The following SLC20A2 variants were observed in gnomAD, a reference collection of about 807,000 sequenced individuals.
The protein encoded by SLC20A2 is solute carrier family 20 member 2.
In SLC20A2, 30 loss-of-function variants were observed where a neutral mutation model predicts 61.0. That is an observed-to-expected ratio of 0.49 (90% CI 0.37 to 0.67). The LOEUF (loss-of-function observed/expected upper bound fraction) is 0.67. Ranked by LOEUF, SLC20A2 falls within the 30% of genes least tolerant of loss-of-function variation. The pLI is 0.00. For synonymous variants in SLC20A2, 351 were observed against 353.3 expected (o/e 0.99, Z 0.07); for missense variants, 626 against 866.4 (o/e 0.72, Z 3.48).
At chr8:42,493,519 C>G (rs1809681875) in intron 1 of SLC20A2, among the ~76,000 whole-genome samples, 2 of 152,182 alleles carry the variant, frequency 1.3e-5, no homozygotes, top group Non-Finnish European at 2.9e-5. Flanking sequence ...ACATTCTGAA[C>G]TCCGGGCCCT....
chr8:42,526,546 A>C (rs575385221), intron 1 of SLC20A2, among the ~76,000 whole-genome samples: 2 of 151,564 alleles, frequency 1.3e-5, no homozygotes, highest in African/African-American at 4.9e-5. Context: ...GGTGGTGGGC[A>C]CCTGTAGTCT....
chr8:42,441,367 T>C (rs1804769152), intron 6 of SLC20A2, among the ~76,000 whole-genome samples: 1 of 151,720 alleles, frequency 6.6e-6, no homozygotes, highest in South Asian at 2.1e-4. Context: ...TTGGCCAAGC[T>C]TGTCTCGAAA....
chr8:42,452,544 TAAAG>T (rs1223614773), intron 5 of SLC20A2, among the ~76,000 whole-genome samples: 4 of 110,526 alleles, frequency 3.6e-5, no homozygotes, highest in African/African-American at 1.5e-4. Flanking sequence ...GAAGAAGAGA[TAAAG>T]AGGAGGAGCA....
At chr8:42,446,054 C>T (rs1805188889) in intron 5 of SLC20A2, among the ~76,000 whole-genome samples, 1 of 152,248 alleles carries the variant, frequency 6.6e-6, no homozygotes, top group Admixed American at 6.5e-5. Flanking sequence ...CTCCTAGCCT[C>T]ATGGGATGTT....
At chr8:42,485,106 C>T (rs554438723) in intron 1 of SLC20A2, 186 of 174,774 alleles carry the variant, frequency 1.1e-3, no homozygotes, top group African/African-American at 3.9e-3. Context: ...AATCACAGCC[C>T]TTCCCTTCTC....
At position 42,455,223 on chromosome 8, in the gene SLC20A2, TAAA is replaced by T. The variant is rs1167685475; in HGVS notation, c.613+4670_613+4672del. 2.9e-3 allele frequency among the ~76,000 whole-genome samples: 143 copies of T among 49,790 alleles called. 1 individual carries two copies. The highest frequency in any genetic ancestry group is 0.016 in the Middle Eastern group (1 of 62). 32.7% of individuals were successfully genotyped at this position (49,790 alleles called of 152,430 possible). A position where few individuals can be genotyped will look rare whatever the true frequency, so the allele number is the denominator to read the frequency against. Reference sequence around the variant, plus strand: ...CTAGGAGACAGAGCAAGACTCCGTCTAAAAAAAAAAAAAAAAAAATATATATAT... The same window carrying T: ...CTAGGAGACAGAGCAAGACTCCGTCTAAAAAAAAAAAAAAAATATATATAT... On this transcript the variant is annotated intron_variant, in intron 5 of 10. Coordinates refer to ENST00000520262, the MANE Select transcript of SLC20A2 (RefSeq NM_001257180.2).
intron 8 of SLC20A2, 80 bp from the exon 9 acceptor site, chr8:42,430,329 T>A: frequency 8.4e-7 from 1 of 1,196,270 alleles, no homozygotes; most frequent in Non-Finnish European, 1.2e-6. Flanking sequence ...TGTTTTATTG[T>A]GCTTCACTTT....
rs771250645 is a variant in SLC20A2 at position 42,459,408 on chromosome 8, CTG to C, written c.613+486_613+487del. Among the ~76,000 whole-genome samples, 20 of 152,144 alleles carry C rather than the reference CTG, an allele frequency of 1.3e-4. No individual in the cohort carries two copies. The East Asian group carries it at 2.7e-3, about 21-fold the overall frequency. On this transcript the variant is annotated intron_variant, in intron 5 of 10. Coordinates refer to ENST00000520262, the MANE Select transcript of SLC20A2 (RefSeq NM_001257180.2). ...TCTGATATTTCCAGGGGTCTGTACT[CTG>C]TGCTGTGAACGGCTTTAGAGCTCCG...
chr8:42,478,426 G>C (rs543197711), intron 1 of SLC20A2, among the ~76,000 whole-genome samples: 1 of 152,104 alleles, frequency 6.6e-6, no homozygotes, highest in South Asian at 2.1e-4. Context: ...TGGCCAGGCT[G>C]GTCTTGAACT....
chr8:42,541,173 G>A (rs983630047), intron 1 of SLC20A2: 2 of 152,162 alleles, frequency 1.3e-5, no homozygotes, highest in Non-Finnish European at 2.9e-5. Flanking sequence ...CGCGCACAGC[G>A]GAGCAGGAGG....
chr8:42,489,858 A>G (rs1691733455), intron 1 of SLC20A2, among the ~76,000 whole-genome samples: 1 of 152,128 alleles, frequency 6.6e-6, no homozygotes, highest in Non-Finnish European at 1.5e-5. Flanking sequence ...GGTCTGAATA[A>G]AGGGGCAGCT....
At chr8:42,538,726 T>C (rs1428054253) in intron 1 of SLC20A2, among the ~76,000 whole-genome samples, 4 of 152,332 alleles carry the variant, frequency 2.6e-5, no homozygotes, top group African/African-American at 9.6e-5. Context: ...TGAGAAACGC[T>C]TGTCTTCCTG....
intron 1 of SLC20A2, among the ~76,000 whole-genome samples, chr8:42,508,913 G>A (rs1467595089): frequency 6.6e-6 from 1 of 152,174 alleles, no homozygotes; most frequent in Non-Finnish European, 1.5e-5. Context: ...AGTATCCAAT[G>A]AAAGTGGCAT....
At chr8:42,455,239 A>ATATATAT (rs1406971999) in intron 5 of SLC20A2, among the ~76,000 whole-genome samples, 2 of 97,280 alleles carry the variant, frequency 2.1e-5, no homozygotes, top group African/African-American at 8.7e-5. Flanking sequence ...AAAAAAAAAA[A>ATATATAT]AAATATATAT....
At chr8:42,436,958 C>A (rs372590259) in intron 8 of SLC20A2, 31 bp downstream of exon 8, 2 of 1,560,896 alleles carry the variant, frequency 1.3e-6, no homozygotes, top group Non-Finnish European at 1.7e-6. Context: ...CCTCAAGGAC[C>A]CTTGTTGAAT....
At position 42,437,760 on chromosome 8, in the gene SLC20A2, C is replaced by T. The variant is rs1176916053; in HGVS notation, c.935-183G>A. Among the ~76,000 whole-genome samples the T allele has an allele frequency of 1.3e-5, 2 of 151,718 alleles. No individual in the cohort carries two copies. Among genetic ancestry groups the T allele is most frequent in the African/African-American group, 4.8e-5 (2 of 41,296 alleles). ...CCTCCTGAGTAGCTGGGACTACAAG[C>T]GCGACACCATGCCCAGCTAACTTTT... On this transcript the variant is annotated intron_variant, in intron 7 of 10. Coordinates refer to ENST00000520262, the MANE Select transcript of SLC20A2 (RefSeq NM_001257180.2). This position sits in a 1 kb window ranked among gnomAD's most constrained non-coding sequence, Gnocchi z 6.4.
chr8:42,483,371 TAAAAAC>T (rs1808698274), intron 1 of SLC20A2, among the ~76,000 whole-genome samples: 1 of 152,162 alleles, frequency 6.6e-6, no homozygotes, highest in Admixed American at 6.5e-5. Context: ...AACTCCGTCT[TAAAAAC>T]AAACAAACTA....
At chr8:42,433,743 G>C (rs1804037235) in intron 8 of SLC20A2, among the ~76,000 whole-genome samples, 1 of 152,180 alleles carries the variant, frequency 6.6e-6, no homozygotes, top group Non-Finnish European at 1.5e-5. Context: ...GACATAATTT[G>C]TTTCCATTCA....
chr8:42,441,142 CTTTT>C (rs112150338), intron 6 of SLC20A2, among the ~76,000 whole-genome samples: 1 of 125,582 alleles, frequency 8.0e-6, no homozygotes, highest in Admixed American at 8.2e-5. Context: ...ATATTTTGCT[CTTTT>C]TTTTTTTTTT....
Sources: gnomAD v4.1 joint callset for allele counts (sites outside exome capture counted in the v4.1 genomes callset) on GRCh38, gnomAD v4.1.1 for gene constraint, Gnocchi (gnomAD v3.1) non-coding constraint, MANE v1.5 for transcripts, NCBI Gene and HGNC (gene_info 2026-07-23, HGNC 2026-07-21) for gene names.